GAB1: variants seen among roughly 807,000 people sequenced by gnomAD.
GAB1 encodes the protein GRB2-associated-binding protein 1.
GAB1 carries 19 observed loss-of-function variants against 66.5 expected under a neutral mutation model. The observed-to-expected ratio is 0.29, with a 90% confidence interval of 0.20 to 0.42. The LOEUF is 0.42. GAB1 is among the 10% of genes least tolerant of loss of function. The probability of loss-of-function intolerance (pLI) is 1.00; values close to 1 mark genes in which losing one functional copy is unlikely to be tolerated. For missense variants in GAB1, 732 were observed against 858.5 expected, an observed-to-expected ratio of 0.85 and a Z score of 1.84; for synonymous variants, 294 against 301.4, an observed-to-expected ratio of 0.98 and a Z score of 0.25.
chr4:143,372,161 T>C (rs1012333581), intron 1 of GAB1, among the ~76,000 whole-genome samples: 2 of 150,956 alleles, frequency 1.3e-5, no homozygotes, highest in African/African-American at 2.5e-5. Flanking sequence ...CCCATCTCAG[T>C]TTAAAAAAAA....
intron 1 of GAB1, among the ~76,000 whole-genome samples, chr4:143,360,074 G>A (rs1396442456): frequency 1.3e-5 from 2 of 152,172 alleles, no homozygotes; most frequent in African/African-American, 4.8e-5. Context: ...GGAAATGGCT[G>A]TTTATTGTAT....
chr4:143,366,723 C>T (rs113271231), intron 1 of GAB1, among the ~76,000 whole-genome samples: 86 of 152,210 alleles, frequency 5.7e-4, no homozygotes, highest in African/African-American at 1.9e-3. Flanking sequence ...AAATGGACTA[C>T]ACTAAATATT....
intron 1 of GAB1, among the ~76,000 whole-genome samples, chr4:143,384,079 G>GA (rs953076346): frequency 6.6e-4 from 97 of 146,044 alleles, no homozygotes; most frequent in African/African-American, 2.3e-3. Context: ...TCTCTAAAAA[G>GA]AAAAAAAAAA....
At chr4:143,354,702 C>A (rs1485642611) in intron 1 of GAB1, among the ~76,000 whole-genome samples, 1 of 152,156 alleles carries the variant, frequency 6.6e-6, no homozygotes, top group African/African-American at 2.4e-5. Context: ...CATAGATTCA[C>A]TTAAAATGTG....
intron 1 of GAB1, among the ~76,000 whole-genome samples, chr4:143,403,116 T>C (rs1424197101): frequency 3.9e-5 from 6 of 152,260 alleles, no homozygotes; most frequent in Admixed American, 3.9e-4. Context: ...TGTATTACTA[T>C]ACATAGTGTA....
chr4:143,462,124 AATAAT>A (rs1735524482), intron 8 of GAB1, among the ~76,000 whole-genome samples: 2 of 152,188 alleles, frequency 1.3e-5, no homozygotes, highest in African/African-American at 4.8e-5. Flanking sequence ...AGTATTCAAA[AATAAT>A]ATAATCAATA....
intron 1 of GAB1, among the ~76,000 whole-genome samples, chr4:143,415,077 T>G (rs1463134888): frequency 6.6e-6 from 1 of 152,192 alleles, no homozygotes; most frequent in East Asian, 1.9e-4. Flanking sequence ...TCATACAATA[T>G]TTGTCTTTTT....
intron 1 of GAB1, among the ~76,000 whole-genome samples, chr4:143,374,635 C>T (rs1280850837): frequency 6.6e-6 from 1 of 152,156 alleles, no homozygotes; most frequent in African/African-American, 2.4e-5. Flanking sequence ...GTGGCTATCA[C>T]AGGGTTCACA....
intron 1 of GAB1, among the ~76,000 whole-genome samples, chr4:143,385,327 G>C (rs1347496299): frequency 6.6e-6 from 1 of 152,056 alleles, no homozygotes; most frequent in Non-Finnish European, 1.5e-5. Context: ...TGATCACTGG[G>C]GGTCTGTAGC....
At chr4:143,428,465 T>G (rs1179401567) in intron 2 of GAB1, among the ~76,000 whole-genome samples, 5 of 152,172 alleles carry the variant, frequency 3.3e-5, no homozygotes, top group Non-Finnish European at 7.3e-5. Flanking sequence ...TTTGGTTAGC[T>G]CCCTTGGTCT....
intron 1 of GAB1, among the ~76,000 whole-genome samples, chr4:143,340,256 C>T (rs1250771276): frequency 6.6e-6 from 1 of 151,996 alleles, no homozygotes; most frequent in Non-Finnish European, 1.5e-5. Flanking sequence ...TTGTTGGCCA[C>T]CCAGTAGGCA....
chr4:143,386,709 A>G (rs1305273127), intron 1 of GAB1, among the ~76,000 whole-genome samples: 2 of 152,202 alleles, frequency 1.3e-5, no homozygotes, highest in African/African-American at 4.8e-5. Context: ...AATATTTTAA[A>G]TAATTTTGTA....
intron 2 of GAB1, among the ~76,000 whole-genome samples, chr4:143,416,402 C>T (rs900535776): frequency 3.3e-5 from 5 of 151,284 alleles, no homozygotes; most frequent in South Asian, 2.1e-4. Flanking sequence ...AGCGAGACTC[C>T]GTCTCAAAAA....
intron 1 of GAB1, among the ~76,000 whole-genome samples, chr4:143,407,539 T>G (rs948056589): frequency 6.6e-6 from 1 of 152,176 alleles, no homozygotes; most frequent in East Asian, 1.9e-4. Context: ...AAAGCTTAGA[T>G]CTAGGCATTG....
chr4:143,354,682 A>G (rs1377280637), intron 1 of GAB1, among the ~76,000 whole-genome samples: 2 of 152,204 alleles, frequency 1.3e-5, no homozygotes, highest in Non-Finnish European at 2.9e-5. Context: ...ATATTTGAAT[A>G]GAAAATGTGC....
chr4:143,360,968 T>C (rs1423868340), intron 1 of GAB1, among the ~76,000 whole-genome samples: 11 of 152,210 alleles, frequency 7.2e-5, no homozygotes, highest in Admixed American at 7.2e-4. Context: ...CATTTTTTAA[T>C]TTCTACCTCA....
At chr4:143,395,866 G>T in intron 1 of GAB1, 1 of 454,606 alleles carries the variant, frequency 2.2e-6, no homozygotes, top group Admixed American at 2.3e-5. Context: ...AGAAGGCACA[G>T]CTTGTCGAGA....
In GAB1 at chr4:143,337,238, C is replaced by A. The variant is rs1228699835; in HGVS notation, c.50C>A (p.Pro17Gln). 6.3e-7 allele frequency: 1 copy of A among 1,583,592 alleles called. No homozygotes were observed. The highest frequency in any genetic ancestry group is 8.6e-7 in the Non-Finnish European group (1 of 1,164,564). ...TCCGGATGGCTCCGCAAGTCCCCCC[C>A]GGAGAAAAAGTTGAAGCGTTATGTA... is the stretch of plus-strand genomic sequence containing the variant. Reference protein sequence around the residue: ...VCSGWLRKSPPEKKLKRYAWK... With the variant: ...VCSGWLRKSPQEKKLKRYAWK... Residue 17 changes from proline (P) to glutamine (Q), a missense_variant, in exon 1 of 10, where the codon CCG becomes CAG. This residue lies in a region of GAB1 where 35 missense variants were observed against 30.8 expected (regional missense o/e 1.13). Coordinates refer to ENST00000262994, the MANE Select transcript of GAB1 (RefSeq NM_002039.4).
At chr4:143,399,288 TA>T (rs1731625173) in intron 1 of GAB1, among the ~76,000 whole-genome samples, 2 of 152,194 alleles carry the variant, frequency 1.3e-5, no homozygotes, top group East Asian at 3.8e-4. Flanking sequence ...AGCTTTTCCT[TA>T]AAAGGCAATG....
Sources: gnomAD v4.1 joint callset for allele counts (sites outside exome capture counted in the v4.1 genomes callset) on GRCh38, gnomAD v4.1.1 for gene constraint, gnomAD v4.1.1 regional missense constraint, MANE v1.5 for transcripts, NCBI Gene and HGNC (gene_info 2026-07-23, HGNC 2026-07-21) for gene names.